Variants in ANKRD36 observed in about 807,000 individuals in gnomAD.
ANKRD36 encodes ankyrin repeat domain-containing protein 36A.
ANKRD36 carries 179 observed loss-of-function variants against 278.1 expected under a neutral mutation model. The ratio of observed to expected loss-of-function variants is 0.64; its 90% confidence interval spans 0.57 to 0.73. The LOEUF is 0.73. Ranked by LOEUF, ANKRD36 falls within the 30% of genes least tolerant of loss-of-function variation. The probability of loss-of-function intolerance (pLI) is 0.00; values close to 1 mark genes in which losing one functional copy is unlikely to be tolerated. For missense variants in ANKRD36, 1,159 were observed against 1,956.7 expected (o/e 0.59, Z 7.69); for synonymous variants, 320 against 641.1 (o/e 0.50, Z 7.57).
chr2:97,117,265 G>T (rs1449389242), intron 1 of ANKRD36, among the ~76,000 whole-genome samples: 5 of 151,364 alleles, frequency 3.3e-5, no homozygotes, highest in Admixed American at 2.6e-4. Flanking sequence ...TTTTTAAATT[G>T]AAGTGAGAAT....
At chr2:97,179,395 T>A (rs1251652744) in intron 22 of ANKRD36, among the ~76,000 whole-genome samples, 1 of 151,646 alleles carries the variant, frequency 6.6e-6, no homozygotes, top group African/African-American at 2.4e-5. Context: ...TGACGTTGAT[T>A]CCCAGGAGTA....
At chr2:97,243,205 T>G (rs1453652299) in intron 69 of ANKRD36, among the ~76,000 whole-genome samples, 1 of 145,784 alleles carries the variant, frequency 6.9e-6, no homozygotes, top group African/African-American at 2.4e-5. Context: ...TTTATACATT[T>G]TAGAGAAGCA....
chr2:97,125,769 A>G (rs1431887364), intron 5 of ANKRD36, among the ~76,000 whole-genome samples: 7 of 151,772 alleles, frequency 4.6e-5, no homozygotes, highest in African/African-American at 1.7e-4. Flanking sequence ...TTTATAAAAT[A>G]TTTTCGGATT....
chr2:97,203,834 C>G (rs1370849256), intron 48 of ANKRD36, among the ~76,000 whole-genome samples: 1 of 151,784 alleles, frequency 6.6e-6, no homozygotes, highest in Admixed American at 6.6e-5. Flanking sequence ...TTTAGTTTTT[C>G]ACATATGACA....
At chr2:97,206,277 T>G in intron 52 of ANKRD36, 142 bp downstream of exon 52, 3 of 1,026,192 alleles carry the variant, frequency 2.9e-6, no homozygotes, top group Non-Finnish European at 4.1e-6. Flanking sequence ...AGTACGTTCT[T>G]GGGTGATGCT....
chr2:97,231,654 A>T (rs2072155131), intron 67 of ANKRD36, among the ~76,000 whole-genome samples: 1 of 152,080 alleles, frequency 6.6e-6, no homozygotes, highest in Non-Finnish European at 1.5e-5. Context: ...TCCAGCACCC[A>T]CTGTCTGGCA....
chr2:97,195,676 A>G (rs186800616), intron 40 of ANKRD36, among the ~76,000 whole-genome samples: 183 of 152,018 alleles, frequency 1.2e-3, no homozygotes, highest in Admixed American at 1.8e-3. Flanking sequence ...TCAAGGAGCT[A>G]CCTCTTGGAT....
At chr2:97,193,970 G>T (rs1392722766) in intron 38 of ANKRD36, among the ~76,000 whole-genome samples, 8 of 151,712 alleles carry the variant, frequency 5.3e-5, no homozygotes, top group African/African-American at 1.4e-4. Context: ...GAAAAACTGA[G>T]TAATATCTAA....
intron 22 of ANKRD36, among the ~76,000 whole-genome samples, chr2:97,170,116 C>T (rs1322800884): frequency 6.6e-6 from 1 of 151,886 alleles, no homozygotes; most frequent in African/African-American, 2.4e-5. Context: ...TCAGAAGCAA[C>T]ACCATACATC....
At chr2:97,193,129 G>C (rs2058907225) in intron 38 of ANKRD36, 76 bp downstream of exon 38, 1 of 1,353,214 alleles carries the variant, frequency 7.4e-7, no homozygotes, top group African/African-American at 1.5e-5. Flanking sequence ...TAAATCAGCG[G>C]GGGGCTCGTT....
Position 97,124,978 on chromosome 2 carries a change from A to G in ANKRD36, c.731+381A>G, listed in dbSNP as rs562284086. On this transcript the variant is annotated intron_variant, in intron 5 of 75. Transcript: ENST00000420699. ...TCTCAAAATGTCCAGTTTATCAAAA[A>G]ACCTTGAGCTGTGTACTGGGGACCA... Among the ~76,000 whole-genome samples the G allele has an allele frequency of 3.9e-5, 6 of 151,948 alleles. No individual in the cohort carries two copies. The South Asian group carries it at 6.3e-4, about 16-fold the overall frequency.
chr2:97,226,304 A>G (rs2069584365), intron 67 of ANKRD36, among the ~76,000 whole-genome samples: 2 of 152,180 alleles, frequency 1.3e-5, no homozygotes, highest in East Asian at 2.0e-4. Context: ...CAGATTTTTT[A>G]ATGATTGCCA....
chr2:97,261,040 T>C (rs1174341690), intron 75 of ANKRD36, among the ~76,000 whole-genome samples: 2 of 127,548 alleles, frequency 1.6e-5, no homozygotes, highest in Non-Finnish European at 3.1e-5. Flanking sequence ...TGATTTTCTA[T>C]CCAGACCACT....
intron 6 of ANKRD36, among the ~76,000 whole-genome samples, chr2:97,138,932 G>A (rs908432314): frequency 9.9e-5 from 15 of 151,910 alleles, no homozygotes; most frequent in African/African-American, 1.2e-4. Context: ...AAATTAACTC[G>A]ATTCATTAAA....
intron 5 of ANKRD36, among the ~76,000 whole-genome samples, chr2:97,125,743 G>A (rs2038436023): frequency 6.6e-6 from 1 of 151,748 alleles, no homozygotes; most frequent in Middle Eastern, 3.2e-3. Context: ...CAAGCTGCTT[G>A]CATCAGTATC....
intron 1 of ANKRD36, 132 bp from the exon 2 acceptor site, chr2:97,117,932 G>A: frequency 1.6e-6 from 2 of 1,283,342 alleles, no homozygotes; most frequent in Non-Finnish European, 2.1e-6. Context: ...CATTAATGTG[G>A]TGAGTAATAA....
At chr2:97,125,656 T>C (rs974405267) in intron 5 of ANKRD36, among the ~76,000 whole-genome samples, 6 of 151,454 alleles carry the variant, frequency 4.0e-5, no homozygotes, top group Non-Finnish European at 7.4e-5. Context: ...TTCTATGCCA[T>C]CCTTCCTTAG....
intron 6 of ANKRD36, among the ~76,000 whole-genome samples, chr2:97,132,136 AT>A (rs1187226179): frequency 7.4e-5 from 11 of 147,834 alleles, no homozygotes; most frequent in Non-Finnish European, 1.0e-4. Flanking sequence ...CTACTAATAC[AT>A]TTTAGAGACA....
chr2:97,156,700 TAGC>T (rs2047546482), intron 15 of ANKRD36, among the ~76,000 whole-genome samples: 1 of 141,258 alleles, frequency 7.1e-6, no homozygotes, highest in African/African-American at 2.6e-5. Context: ...TGTGTCTTTA[TAGC>T]AGCATGATTT....
Sources: allele counts gnomAD v4.1 joint callset (sites outside exome capture counted in the v4.1 genomes callset), GRCh38; gene constraint gnomAD v4.1.1; transcripts MANE v1.5; gene names NCBI Gene and HGNC (gene_info 2026-07-23, HGNC 2026-07-21).